RAB11FIP4: variants seen among roughly 807,000 people sequenced by gnomAD.
RAB11FIP4 encodes the protein RAB11 family interacting protein 4, also known as rab11 family-interacting protein 4.
RAB11FIP4 carries 23 observed loss-of-function variants against 74.3 expected under a neutral mutation model. The ratio of observed to expected loss-of-function variants is 0.31; its 90% confidence interval spans 0.22 to 0.44. RAB11FIP4 has a LOEUF of 0.44. Ranked by LOEUF, RAB11FIP4 falls within the 20% of genes least tolerant of loss-of-function variation. RAB11FIP4 has a pLI of 1.00. For missense variants in RAB11FIP4, 630 were observed against 863.9 expected (o/e 0.73, Z 3.39); for synonymous variants, 360 against 359.9 (o/e 1.00, Z 0.00).
At chr17:31,457,950 A>G (rs999837422) in intron 3 of RAB11FIP4, among the ~76,000 whole-genome samples, 15 of 152,012 alleles carry the variant, frequency 9.9e-5, no homozygotes, top group Non-Finnish European at 1.6e-4. Flanking sequence ...TTCCAGTCTG[A>G]CCCAGGTCTC....
At chr17:31,410,065 G>A (rs1246853748) in intron 1 of RAB11FIP4, among the ~76,000 whole-genome samples, 1 of 152,152 alleles carries the variant, frequency 6.6e-6, no homozygotes, top group African/African-American at 2.4e-5. Flanking sequence ...ATTGGGATGC[G>A]ATACTGTTCC....
At chr17:31,445,626 C>G (rs1205086723) in intron 3 of RAB11FIP4, among the ~76,000 whole-genome samples, 16 of 134,044 alleles carry the variant, frequency 1.2e-4, no homozygotes, top group Non-Finnish European at 2.3e-4. Context: ...TGCTCTGTCA[C>G]CCAGGCTGGA....
At chr17:31,516,719 TG>T (rs550407714) in intron 3 of RAB11FIP4, among the ~76,000 whole-genome samples, 185 of 152,336 alleles carry the variant, frequency 1.2e-3, no homozygotes, top group Non-Finnish European at 2.3e-3. Flanking sequence ...CTGCCCGCCT[TG>T]GCCTCCCAAG....
intron 3 of RAB11FIP4, among the ~76,000 whole-genome samples, chr17:31,494,612 T>C (rs911364436): frequency 1.3e-5 from 2 of 151,818 alleles, no homozygotes; most frequent in African/African-American, 4.8e-5. Flanking sequence ...CTGTGGGTTT[T>C]TAAATCTTTT....
intron 2 of RAB11FIP4, among the ~76,000 whole-genome samples, chr17:31,432,329 T>A (rs2071318459): frequency 6.6e-6 from 1 of 151,074 alleles, no homozygotes; most frequent in Admixed American, 6.6e-5. Context: ...AGCTGCTGCT[T>A]TTGTGTCCTC....
intron 1 of RAB11FIP4, among the ~76,000 whole-genome samples, chr17:31,417,918 A>G (rs2342320): frequency 0.55 from 83,417 of 151,970 alleles, 27,215 homozygotes; most frequent in Non-Finnish European, 0.71. Flanking sequence ...GGGCAACATA[A>G]TGAGACCCCA....
intron 3 of RAB11FIP4, among the ~76,000 whole-genome samples, chr17:31,495,366 ATTTTTTTTTTTT>A (rs3058694): frequency 2.4e-5 from 2 of 83,146 alleles, no homozygotes; most frequent in Admixed American, 1.4e-4. Flanking sequence ...CACTTGACTG[ATTTTTTTTTTTT>A]TTTTTTTTTT....
chr17:31,392,055 AGCCCCGC>A, intron 1 of RAB11FIP4, 44 bp downstream of exon 1: 1 of 1,088,386 alleles, frequency 9.2e-7, no homozygotes, highest in Non-Finnish European at 1.1e-6. Context: ...ACCCCAGCCC[AGCCCCGC>A]CGCCCCTCCC....
intron 3 of RAB11FIP4, among the ~76,000 whole-genome samples, chr17:31,487,158 A>G (rs896457849): frequency 3.9e-5 from 6 of 152,242 alleles, no homozygotes; most frequent in Non-Finnish European, 8.8e-5. Flanking sequence ...CTCAAGTTAT[A>G]TAGTGCAACA....
chr17:31,459,859 CAG>C (rs901814574), intron 3 of RAB11FIP4, among the ~76,000 whole-genome samples: 2 of 152,104 alleles, frequency 1.3e-5, no homozygotes, highest in African/African-American at 4.8e-5. Context: ...GTTCTGGACA[CAG>C]GGGTGGCTGG....
chr17:31,432,195 C>T (rs775224476), intron 2 of RAB11FIP4, among the ~76,000 whole-genome samples: 5 of 152,098 alleles, frequency 3.3e-5, no homozygotes, highest in African/African-American at 7.2e-5. Context: ...CTCTCTCTCC[C>T]GCTCTGGGGT....
intron 3 of RAB11FIP4, among the ~76,000 whole-genome samples, chr17:31,444,904 A>C (rs1052040640): frequency 3.9e-5 from 6 of 152,130 alleles, no homozygotes; most frequent in Non-Finnish European, 5.9e-5. Context: ...TGCTTCCCTC[A>C]TTAATGAGTC....
chr17:31,525,468 A>G, intron 10 of RAB11FIP4: 1 of 547,516 alleles, frequency 1.8e-6, no homozygotes, highest in East Asian at 3.2e-5. Flanking sequence ...AATGCAAACC[A>G]CACAAATGTC....
chr17:31,433,572 C>T (rs1455830601), intron 2 of RAB11FIP4, among the ~76,000 whole-genome samples: 1 of 152,212 alleles, frequency 6.6e-6, no homozygotes, highest in Non-Finnish European at 1.5e-5. Context: ...CAGCCGTGTA[C>T]AGAGTCAGCA....
intron 1 of RAB11FIP4, among the ~76,000 whole-genome samples, chr17:31,404,894 G>C (rs777945197): frequency 6.6e-6 from 1 of 152,138 alleles, no homozygotes; most frequent in African/African-American, 2.4e-5. Context: ...AACAGGGTCT[G>C]CCAGGGTGGA....
At chr17:31,453,507 T>G (rs1423095109) in intron 3 of RAB11FIP4, among the ~76,000 whole-genome samples, 2 of 151,860 alleles carry the variant, frequency 1.3e-5, no homozygotes, top group Non-Finnish European at 2.9e-5. Context: ...CTTTCTTCAC[T>G]TGCTAGATGG....
At chr17:31,434,527 A>C (rs535730901) in intron 3 of RAB11FIP4, among the ~76,000 whole-genome samples, 44 of 152,198 alleles carry the variant, frequency 2.9e-4, no homozygotes, top group Non-Finnish European at 5.6e-4. Context: ...ACTGGTGTCC[A>C]GCAATCAGTT....
chr17:31,537,935 G>A lies in RAB11FIP4; in HGVS notation c.*6203G>A, dbSNP rs1300169068. On this transcript the variant is annotated 3_prime_UTR_variant, in exon 15 of 15. Coordinates refer to ENST00000621161, the MANE Select transcript of RAB11FIP4 (RefSeq NM_032932.6). ...TACACATGTGGCCTCATGCCCAAGGGTTTGTTAGATGGCCTCTGACTCTGT... is the reference window on the plus strand; with the variant it reads ...TACACATGTGGCCTCATGCCCAAGGATTTGTTAGATGGCCTCTGACTCTGT... The A allele has an allele frequency of 1.3e-5, 2 of 152,702 alleles. No homozygotes were observed. Among genetic ancestry groups the A allele is most frequent in the East Asian group, 1.9e-4 (1 of 5,208 alleles). 9.5% of individuals were successfully genotyped at this position (152,702 alleles called of 1,614,324 possible).
At chr17:31,517,513 C>T (rs1039490213) in intron 3 of RAB11FIP4, 138 bp from the exon 4 acceptor site, 23 of 748,824 alleles carry the variant, frequency 3.1e-5, no homozygotes, top group Admixed American at 4.7e-5. Context: ...GGTGTTCCCA[C>T]GCTTAGGGTT....
Sources: gnomAD v4.1 joint callset for allele counts (sites outside exome capture counted in the v4.1 genomes callset) on GRCh38, gnomAD v4.1.1 for gene constraint, MANE v1.5 for transcripts, NCBI Gene and HGNC (gene_info 2026-07-23, HGNC 2026-07-21) for gene names.